The following METTL25 variants were observed in gnomAD, a reference collection of about 807,000 sequenced individuals.
METTL25 encodes probable methyltransferase-like protein 25.
Under a neutral mutation model 71.6 loss-of-function variants are expected in METTL25, and 64 were observed. The observed-to-expected ratio is 0.89, with a 90% CI of 0.73 to 1.10. METTL25 has a LOEUF of 1.10. METTL25 is among the 50% of genes least tolerant of loss of function. METTL25 has a pLI of 0.00. For synonymous variants in METTL25, 287 were observed against 250.3 expected (o/e 1.15, Z -1.38); for missense variants, 807 against 707.0 (o/e 1.14, Z -1.60).
chr12:82,443,824 AC>A (rs1890541424), intron 8 of METTL25, among the ~76,000 whole-genome samples: 1 of 2,682 alleles, frequency 3.7e-4, no homozygotes, highest in African/African-American at 4.5e-4. Context: ...GCAAGAACTC[AC>A]TCACTGTCCC....
intron 1 of METTL25, among the ~76,000 whole-genome samples, chr12:82,359,318 G>A (rs532522871): frequency 9.2e-5 from 14 of 152,198 alleles, no homozygotes; most frequent in Non-Finnish European, 2.1e-4. Context: ...GAGCCACAGG[G>A]AGGGGTTGCA....
intron 5 of METTL25, among the ~76,000 whole-genome samples, chr12:82,406,256 T>G (rs1159712813): frequency 1.3e-5 from 2 of 152,150 alleles, no homozygotes; most frequent in African/African-American, 2.4e-5. Context: ...TATTAGTAAT[T>G]TTTTAAAAAC....
rs1373342131 is a variant in METTL25 at position 82,398,776 on chromosome 12, TC to T, written c.532-18del. On this transcript the variant is annotated intron_variant, in intron 3 of 11. Coordinates refer to ENST00000248306, the MANE Select transcript of METTL25 (RefSeq NM_032230.3). ...ATTTGCCTAAAATTCTTTAATTTATTCTTTTTTTCTAATCTTAGGTGATTGA... is the reference window on the plus strand; with the variant it reads ...ATTTGCCTAAAATTCTTTAATTTATTTTTTTTTCTAATCTTAGGTGATTGA... 4 of 1,415,766 alleles carry T rather than the reference TC, an allele frequency of 2.8e-6. No homozygotes were observed. Among genetic ancestry groups the T allele is most frequent in the Non-Finnish European group, 3.7e-6 (4 of 1,081,752 alleles). The allele number at this position is 1,415,766 out of a possible 1,614,324, so 87.7% of individuals were successfully genotyped here.
intron 2 of METTL25, among the ~76,000 whole-genome samples, chr12:82,387,862 G>A (rs1885200475): frequency 6.6e-6 from 1 of 152,052 alleles, no homozygotes; most frequent in Non-Finnish European, 1.5e-5. Context: ...ACACTCAGGA[G>A]TTTAACTCTG....
intron 9 of METTL25, among the ~76,000 whole-genome samples, chr12:82,472,288 G>GT (rs1342952956): frequency 2.0e-5 from 3 of 151,830 alleles, no homozygotes; most frequent in Admixed American, 6.6e-5. Context: ...ACATTTTTTT[G>GT]TTTTTTTCGT....
chr12:82,416,594 C>G (rs113065178), intron 5 of METTL25, among the ~76,000 whole-genome samples: 1 of 151,752 alleles, frequency 6.6e-6, no homozygotes. Context: ...GTGCGTGACA[C>G]CACACCTGGT....
intron 9 of METTL25, among the ~76,000 whole-genome samples, chr12:82,475,295 ATTC>A (rs968944416): frequency 6.6e-6 from 1 of 152,182 alleles, no homozygotes; most frequent in African/African-American, 2.4e-5. Context: ...AGTCCAATAT[ATTC>A]TTCTACAAAA....
intron 1 of METTL25, among the ~76,000 whole-genome samples, chr12:82,370,208 G>T (rs1480363182): frequency 1.3e-5 from 2 of 152,172 alleles, no homozygotes; most frequent in Admixed American, 1.3e-4. Context: ...GTCAGTCCAG[G>T]GATCCTTGGT....
intron 1 of METTL25, among the ~76,000 whole-genome samples, chr12:82,365,660 A>C (rs1882479303): frequency 6.6e-6 from 1 of 152,230 alleles, no homozygotes; most frequent in African/African-American, 2.4e-5. Flanking sequence ...AATCTAGAAA[A>C]TTCTTCTGAA....
At chr12:82,420,061 A>C (rs527558525) in intron 5 of METTL25, among the ~76,000 whole-genome samples, 47 of 152,300 alleles carry the variant, frequency 3.1e-4, no homozygotes, top group Admixed American at 8.5e-4. Flanking sequence ...CATTTTCTAC[A>C]ATATGGATGG....
chr12:82,376,199 C>T (rs929242890), intron 1 of METTL25, among the ~76,000 whole-genome samples: 2 of 152,094 alleles, frequency 1.3e-5, no homozygotes, highest in African/African-American at 4.8e-5. Flanking sequence ...GTACTTTTAT[C>T]GAAAACTAGT....
chr12:82,477,426 G>A, intron 11 of METTL25, 74 bp downstream of exon 11: 1 of 699,530 alleles, frequency 1.4e-6, no homozygotes, highest in East Asian at 2.8e-5. Flanking sequence ...TTATATCTAG[G>A]ATAAGAGTCT....
intron 3 of METTL25, among the ~76,000 whole-genome samples, chr12:82,392,073 T>A (rs906136518): frequency 1.1e-4 from 17 of 149,974 alleles, no homozygotes; most frequent in African/African-American, 3.2e-4. Context: ...ATTTTTATTT[T>A]TTTATTTTTT....
At chr12:82,451,211 TA>T in intron 8 of METTL25, 1 of 721,436 alleles carries the variant, frequency 1.4e-6, no homozygotes, top group Non-Finnish European at 1.7e-6. Flanking sequence ...AAGAATTTCT[TA>T]AAAGTGAATG....
At chr12:82,436,446 G>A (rs531367987) in intron 7 of METTL25, among the ~76,000 whole-genome samples, 37 of 151,624 alleles carry the variant, frequency 2.4e-4, no homozygotes, top group Middle Eastern at 3.4e-3. Flanking sequence ...AGACTGTTCA[G>A]GAGATACTGA....
At chr12:82,445,726 T>G (rs1565871672) in intron 8 of METTL25, among the ~76,000 whole-genome samples, 1 of 152,182 alleles carries the variant, frequency 6.6e-6, no homozygotes, top group Non-Finnish European at 1.5e-5. Context: ...TTGCTTGATA[T>G]GTACTATAGA....
intron 7 of METTL25, 87 bp downstream of exon 7, chr12:82,434,811 T>C (rs1266484402): frequency 9.5e-7 from 1 of 1,051,696 alleles, no homozygotes; most frequent in East Asian, 2.4e-5. Flanking sequence ...TAAAACCTAA[T>C]GGAATTTAAT....
chr12:82,459,955 A>G (rs112442975), intron 9 of METTL25: 8 of 152,322 alleles, frequency 5.3e-5, no homozygotes, highest in African/African-American at 1.9e-4. Context: ...CTCCTTGCCA[A>G]TGGCTTTGTC....
intron 9 of METTL25, among the ~76,000 whole-genome samples, chr12:82,460,670 G>T (rs1209875632): frequency 6.6e-6 from 1 of 152,150 alleles, no homozygotes; most frequent in East Asian, 1.9e-4. Flanking sequence ...AACTGTCAAG[G>T]TCTGCAAATC....
Sources: gnomAD v4.1 joint callset for allele counts (sites outside exome capture counted in the v4.1 genomes callset) on GRCh38, gnomAD v4.1.1 for gene constraint, MANE v1.5 for transcripts, NCBI Gene and HGNC (gene_info 2026-07-23, HGNC 2026-07-21) for gene names.